The following SPAG9 variants were observed in gnomAD, a reference collection of about 807,000 sequenced individuals.
SPAG9 encodes the protein C-Jun-amino-terminal kinase-interacting protein 4.
In SPAG9, 35 loss-of-function variants were observed where a neutral mutation model predicts 166.5. The observed-to-expected ratio is 0.21, with a 90% CI of 0.16 to 0.28. SPAG9 has a LOEUF of 0.28. Among genes scored for constraint, SPAG9 ranks in the 10% least tolerant of loss-of-function variants. The pLI, the probability that SPAG9 is intolerant of heterozygous loss-of-function variation, is 1.00. For missense variants in SPAG9, 1,235 were observed against 1,603.3 expected (o/e 0.77, Z 3.92); for synonymous variants, 534 against 565.5 (o/e 0.94, Z 0.79).
intron 1 of SPAG9, among the ~76,000 whole-genome samples, chr17:51,092,360 A>AG (rs2048490280): frequency 6.6e-6 from 1 of 152,166 alleles, no homozygotes; most frequent in African/African-American, 2.4e-5. Context: ...CATTATATAA[A>AG]GAGGAACTTG....
At chr17:51,053,854 A>AAGT (rs1491529465) in intron 3 of SPAG9, among the ~76,000 whole-genome samples, 1 of 34,452 alleles carries the variant, frequency 2.9e-5, no homozygotes, top group African/African-American at 1.6e-4. Flanking sequence ...AAAAAAAAAA[A>AAGT]GTATATATAT....
intron 21 of SPAG9, among the ~76,000 whole-genome samples, chr17:50,988,283 T>C (rs1045469769): frequency 2.6e-5 from 4 of 151,986 alleles, no homozygotes; most frequent in African/African-American, 9.7e-5. Context: ...TTGTAAAAAA[T>C]CAGACCTTAG....
chr17:51,106,493 G>A (rs1476854309), intron 1 of SPAG9, among the ~76,000 whole-genome samples: 1 of 151,752 alleles, frequency 6.6e-6, no homozygotes, highest in Non-Finnish European at 1.5e-5. Context: ...ACATCCCCAG[G>A]GCTTAGAACA....
chr17:51,058,950 C>T (rs2047431364), intron 2 of SPAG9, among the ~76,000 whole-genome samples: 1 of 152,138 alleles, frequency 6.6e-6, no homozygotes, highest in South Asian at 2.1e-4. Flanking sequence ...TATATATGTC[C>T]ACCCAAAGGT....
At chr17:51,096,721 T>C (rs1470247683) in intron 1 of SPAG9, among the ~76,000 whole-genome samples, 1 of 152,104 alleles carries the variant, frequency 6.6e-6, no homozygotes, top group African/African-American at 2.4e-5. Flanking sequence ...AGGAAAGAAT[T>C]AGATGCATAT....
chr17:50,995,347 A>G, intron 17 of SPAG9, 97 bp downstream of exon 17: 1 of 1,286,522 alleles, frequency 7.8e-7, no homozygotes. Context: ...ATGAACAATA[A>G]CCTCACCATA....
At chr17:51,119,989 T>C (rs945169052) in intron 1 of SPAG9, among the ~76,000 whole-genome samples, 3 of 152,180 alleles carry the variant, frequency 2.0e-5, no homozygotes, top group Non-Finnish European at 4.4e-5. Flanking sequence ...GGTAAAACTT[T>C]GAACCGCCAT....
At chr17:51,087,881 A>G (rs576550231) in intron 1 of SPAG9, among the ~76,000 whole-genome samples, 1 of 152,276 alleles carries the variant, frequency 6.6e-6, no homozygotes, top group Non-Finnish European at 1.5e-5. Flanking sequence ...GACTACAGGC[A>G]TGTGCCACTA....
In SPAG9 at chr17:51,067,056, TTTA is replaced by T. The variant is rs1251622509; in HGVS notation, c.425-10577_425-10575del. ...CTTTACATATACTGTGATCCTAAAT[TTTA>T]TTATTATCTTTGTAGGTACTTACAA... On this transcript the variant is annotated intron_variant, in intron 2 of 29. Transcript: ENST00000262013. Among the ~76,000 whole-genome samples, 4 of 152,180 alleles carry T rather than the reference TTTA, an allele frequency of 2.6e-5. No individual in the cohort carries two copies. In the East Asian group the frequency reaches 7.7e-4, roughly 29 times the overall value.
At chr17:51,026,754 G>A (rs1010740049) in intron 6 of SPAG9, among the ~76,000 whole-genome samples, 2 of 145,406 alleles carry the variant, frequency 1.4e-5, no homozygotes, top group Admixed American at 7.2e-5. Flanking sequence ...TTGGCTCACC[G>A]CAACCTCTGC....
In SPAG9 at chr17:51,052,514, G is replaced by A. The variant is rs186733115; in HGVS notation, c.495+3898C>T. Among the ~76,000 whole-genome samples the A allele has an allele frequency of 4.2e-4, 64 of 152,214 alleles. 1 individual carries two copies. Among genetic ancestry groups the A allele is most frequent in the Middle Eastern group, 6.8e-3 (2 of 294 alleles). On this transcript the variant is annotated intron_variant, in intron 3 of 29. Transcript: ENST00000262013. ...AGGAGATCTATGAAAAGAGCTTTTGGGCGGCGTGGGAAATCTGCCTTGGTT... is the reference window on the plus strand; with the variant it reads ...AGGAGATCTATGAAAAGAGCTTTTGAGCGGCGTGGGAAATCTGCCTTGGTT...
chr17:51,015,962 C>A (rs1455686919), intron 8 of SPAG9, among the ~76,000 whole-genome samples: 3 of 151,932 alleles, frequency 2.0e-5, no homozygotes, highest in Admixed American at 6.6e-5. Flanking sequence ...AAAAAAGACA[C>A]CTACACCAAG....
At chr17:51,063,149 C>T (rs1431175477) in intron 2 of SPAG9, among the ~76,000 whole-genome samples, 1 of 152,166 alleles carries the variant, frequency 6.6e-6, no homozygotes. Context: ...TGGCTCACGC[C>T]TGTAATCCCA....
chr17:50,988,989 G>C lies in SPAG9; in HGVS notation c.2813+688C>G, dbSNP rs1975305342. Reference sequence around the variant, plus strand: ...ATAACTGGAGTGAAAATTAGAGTAGGGGTGGGATTAAAATGACAAAGAATT... The same window carrying C: ...ATAACTGGAGTGAAAATTAGAGTAGCGGTGGGATTAAAATGACAAAGAATT... On this transcript the variant is annotated intron_variant, in intron 21 of 29. Transcript: ENST00000262013. Among the ~76,000 whole-genome samples the C allele has an allele frequency of 2.0e-5, 3 of 151,972 alleles. No individual in the cohort carries two copies. The South Asian group carries it at 6.2e-4, about 32-fold the overall frequency.
intron 18 of SPAG9, among the ~76,000 whole-genome samples, 153 bp from the exon 19 acceptor site, chr17:50,994,088 C>T (rs1452704173): frequency 3.3e-5 from 5 of 152,168 alleles, no homozygotes; most frequent in Admixed American, 2.6e-4. Flanking sequence ...GGTTTGGCTG[C>T]GTCCCTACCC....
intron 6 of SPAG9, among the ~76,000 whole-genome samples, chr17:51,025,276 C>CCA (rs1340169861): frequency 7.6e-6 from 1 of 131,772 alleles, no homozygotes; most frequent in Non-Finnish European, 1.5e-5. Context: ...CAAAATTGTG[C>CCA]CACCACACTC....
chr17:51,052,631 A>C (rs1173016308), intron 3 of SPAG9, among the ~76,000 whole-genome samples: 1 of 150,588 alleles, frequency 6.6e-6, no homozygotes, highest in African/African-American at 2.5e-5. Flanking sequence ...AGGAATAGAA[A>C]TAGACAAAAA....
chr17:51,107,337 C>T (rs1399027486), intron 1 of SPAG9, among the ~76,000 whole-genome samples: 1 of 151,680 alleles, frequency 6.6e-6, no homozygotes, highest in Non-Finnish European at 1.5e-5. Flanking sequence ...CATTTGAGGC[C>T]AGGAGTTTGA....
chr17:51,095,992 G>GATAT (rs199752558), intron 1 of SPAG9, among the ~76,000 whole-genome samples: 1,522 of 75,102 alleles, frequency 0.02, 80 homozygotes, highest in Admixed American at 0.078. Flanking sequence ...TATATATAGT[G>GATAT]ATATATATAT....
Sources: gnomAD v4.1 joint callset for allele counts (sites outside exome capture counted in the v4.1 genomes callset) on GRCh38, gnomAD v4.1.1 for gene constraint, MANE v1.5 for transcripts, NCBI Gene and HGNC (gene_info 2026-07-23, HGNC 2026-07-21) for gene names.